Variants in TTC6 observed in about 807,000 individuals in gnomAD.
TTC6 encodes tetratricopeptide repeat domain 6, also known as tetratricopeptide repeat protein 6.
In TTC6, 172 loss-of-function variants were observed where a neutral mutation model predicts 210.4. The observed-to-expected ratio is 0.82, with a 90% CI of 0.72 to 0.93. The LOEUF (loss-of-function observed/expected upper bound fraction) is 0.93. Ranked by LOEUF, TTC6 falls within the 40% of genes least tolerant of loss-of-function variation. The pLI, the probability that TTC6 is intolerant of heterozygous loss-of-function variation, is 0.00. For missense variants in TTC6, 2,414 were observed against 2,318.1 expected (o/e 1.04, Z -0.85); for synonymous variants, 804 against 819.6 (o/e 0.98, Z 0.32).
At chr14:37,722,939 T>C (rs1232121190) in intron 6 of TTC6, among the ~76,000 whole-genome samples, 2 of 152,192 alleles carry the variant, frequency 1.3e-5, no homozygotes, top group Non-Finnish European at 2.9e-5. Context: ...TTAGAACTCT[T>C]CTATATAGGA....
At chr14:37,738,281 A>G (rs553996061) in intron 9 of TTC6, among the ~76,000 whole-genome samples, 36 of 151,664 alleles carry the variant, frequency 2.4e-4, no homozygotes, top group South Asian at 4.1e-4. Flanking sequence ...ACTTCCTATT[A>G]TAAATATTAA....
rs907822369 is a variant in TTC6, at chr14:37,817,571, A to G, written c.4690-7A>G. ...AAAATTAACAAAAGCTTATAACATT[A>G]TTTCAGGATTTTAAACAAGCTGCAC... On this transcript the variant is annotated splice_region_variant and splice_polypyrimidine_tract_variant and intron_variant, in intron 25 of 30. Transcript: ENST00000553443. The G allele has an allele frequency of 6.2e-7, 1 of 1,612,872 alleles. No individual in the cohort carries two copies. Among genetic ancestry groups the G allele is most frequent in the Non-Finnish European group, 8.5e-7 (1 of 1,179,580 alleles).
chr14:37,663,945 G>A lies in TTC6; in HGVS notation c.940-16206G>A, dbSNP rs371989649. On this transcript the variant is annotated intron_variant, in intron 1 of 30. Coordinates refer to ENST00000553443, the Ensembl canonical transcript of TTC6. ...AAATACCTAGGACTATAGCTAATAAGGGAAGTGAAGGACCTCTTCAAGGAG... is the reference window on the plus strand; with the variant it reads ...AAATACCTAGGACTATAGCTAATAAAGGAAGTGAAGGACCTCTTCAAGGAG... Among the ~76,000 whole-genome samples, 479 of 148,744 alleles carry A rather than the reference G, an allele frequency of 3.2e-3. 21 individuals are homozygous for A. Among genetic ancestry groups the A allele is most frequent in the Non-Finnish European group, 5.4e-3 (356 of 65,746 alleles).
At chr14:37,603,286 T>C (rs1257823931) in intron 1 of TTC6, among the ~76,000 whole-genome samples, 1 of 152,198 alleles carries the variant, frequency 6.6e-6, no homozygotes, top group Non-Finnish European at 1.5e-5. Context: ...AGCCTGGACC[T>C]GATGCCCGGA....
intron 7 of TTC6, among the ~76,000 whole-genome samples, chr14:37,735,315 A>C (rs1337663458): frequency 6.6e-6 from 1 of 152,200 alleles, no homozygotes; most frequent in Non-Finnish European, 1.5e-5. Context: ...ATTAATCATT[A>C]ATCTACCCGG....
chr14:37,666,065 T>A (rs138957031), intron 1 of TTC6, among the ~76,000 whole-genome samples: 3 of 150,720 alleles, frequency 2.0e-5, no homozygotes, highest in Admixed American at 6.6e-5. Flanking sequence ...AGATCATCCA[T>A]CTATATTATA....
At chr14:37,738,990 GTTTGAGAAATCTCTC>G (rs2095909953) in exon 10 of TTC6, 2 of 1,535,616 alleles carry the variant, frequency 1.3e-6, no homozygotes, top group African/African-American at 2.7e-5. Flanking sequence ...GAAAAACACA[GTTTGAGAAATCTCTC>G]TTTGACTCTC....
At chr14:37,811,767 T>C (rs775968654) in intron 24 of TTC6, among the ~76,000 whole-genome samples, 4 of 152,214 alleles carry the variant, frequency 2.6e-5, no homozygotes, top group Non-Finnish European at 4.4e-5. Flanking sequence ...TGAGATAGCT[T>C]TCCTACAAGT....
chr14:37,769,136 A>G (rs977084525), intron 14 of TTC6, among the ~76,000 whole-genome samples: 10 of 151,524 alleles, frequency 6.6e-5, no homozygotes, highest in Non-Finnish European at 1.2e-4. Flanking sequence ...CCAGCCTTGC[A>G]TCCCAGGGAT....
chr14:37,842,292 TTACATAGAC>T, exon 31 of TTC6: 1 of 1,594,464 alleles, frequency 6.3e-7, no homozygotes, highest in Non-Finnish European at 8.5e-7. Flanking sequence ...AGTTATATGA[TTACATAGAC>T]TGTGGTTGCT....
intron 7 of TTC6, among the ~76,000 whole-genome samples, chr14:37,733,257 A>T (rs570830603): frequency 2.6e-5 from 4 of 152,192 alleles, no homozygotes; most frequent in African/African-American, 9.6e-5. Flanking sequence ...CTAAATTTTC[A>T]TTTTATGTAA....
intron 25 of TTC6, among the ~76,000 whole-genome samples, chr14:37,814,965 T>G (rs899334006): frequency 2.6e-5 from 4 of 152,156 alleles, no homozygotes; most frequent in Non-Finnish European, 5.9e-5. Flanking sequence ...AGGGACACTT[T>G]GTTCAGGAAG....
At chr14:37,764,016 T>G (rs945893847) in intron 14 of TTC6, among the ~76,000 whole-genome samples, 13 of 152,130 alleles carry the variant, frequency 8.5e-5, no homozygotes, top group African/African-American at 3.1e-4. Context: ...TCTCAAAGTA[T>G]TTTTTAATTT....
chr14:37,839,372 T>C (rs1269420074), intron 29 of TTC6, among the ~76,000 whole-genome samples: 2 of 152,234 alleles, frequency 1.3e-5, no homozygotes, highest in African/African-American at 4.8e-5. Flanking sequence ...ATTGTGGTTT[T>C]GATTTGCGTT....
At chr14:37,616,349 T>C (rs1452780581) in intron 2 of TTC6, among the ~76,000 whole-genome samples, 1 of 152,236 alleles carries the variant, frequency 6.6e-6, no homozygotes, top group East Asian at 1.9e-4. Context: ...ATGCCATTTC[T>C]GCAGTTATGG....
chr14:37,708,204 A>T (rs955700575), intron 5 of TTC6, among the ~76,000 whole-genome samples: 1 of 152,032 alleles, frequency 6.6e-6, no homozygotes, highest in Non-Finnish European at 1.5e-5. Flanking sequence ...AGAGACACAT[A>T]TATGAGTAAT....
chr14:37,796,034 C>T (rs2139362466), intron 18 of TTC6, among the ~76,000 whole-genome samples: 1 of 152,210 alleles, frequency 6.6e-6, no homozygotes, highest in Non-Finnish European at 1.5e-5. Flanking sequence ...AAAAGTATAA[C>T]ATTTTAAATG....
chr14:37,745,482 G>A (rs534898856), intron 10 of TTC6, among the ~76,000 whole-genome samples: 11 of 152,210 alleles, frequency 7.2e-5, no homozygotes, highest in African/African-American at 2.4e-4. Flanking sequence ...GACAGTTTCC[G>A]AGATTTCCAC....
At position 37,638,182 on chromosome 14, in the gene TTC6, T is replaced by G. The variant is rs151023418; in HGVS notation, c.939+15179T>G. ...TGGATGAATCTGCAGATAATTATGC[T>G]GAGGCAATAAAAGCCAATCTCCAAA... On this transcript the variant is annotated intron_variant, in intron 1 of 30. Transcript: ENST00000553443. 6.2e-3 allele frequency among the ~76,000 whole-genome samples: 951 copies of G among 152,356 alleles called. 9 individuals are homozygous for G. Among genetic ancestry groups the G allele is most frequent in the African/African-American group, 0.022 (905 of 41,580 alleles).
Sources: allele counts gnomAD v4.1 joint callset (sites outside exome capture counted in the v4.1 genomes callset), GRCh38; gene constraint gnomAD v4.1.1; transcripts MANE v1.5; gene names NCBI Gene and HGNC (gene_info 2026-07-23, HGNC 2026-07-21).